TTC39B: variants seen among roughly 807,000 people sequenced by gnomAD.
TTC39B encodes the protein tetratricopeptide repeat domain 39B.
TTC39B carries 92 observed loss-of-function variants against 96.6 expected under a neutral mutation model. The observed-to-expected ratio is 0.95, with a 90% CI of 0.80 to 1.13. The LOEUF (loss-of-function observed/expected upper bound fraction) is 1.13, where lower values mean the gene tolerates loss of function less well. Among genes scored for constraint, TTC39B ranks in the 50% most tolerant of loss-of-function variants. The probability of loss-of-function intolerance (pLI) is 0.00; values close to 1 mark genes in which losing one functional copy is unlikely to be tolerated. For missense variants in TTC39B, 955 were observed against 809.3 expected, an observed-to-expected ratio of 1.18 and a Z score of -2.18; for synonymous variants, 367 against 299.4, an observed-to-expected ratio of 1.23 and a Z score of -2.33.
chr9:15,197,321 C>A (rs1243798386), intron 8 of TTC39B, among the ~76,000 whole-genome samples: 5 of 152,148 alleles, frequency 3.3e-5, no homozygotes, highest in African/African-American at 9.7e-5. Flanking sequence ...TTCGTTTATA[C>A]CTTCTAAAAA....
At chr9:15,241,742 CTT>C (rs5896669) in intron 2 of TTC39B, among the ~76,000 whole-genome samples, 14 of 129,122 alleles carry the variant, frequency 1.1e-4, no homozygotes, top group Non-Finnish European at 1.1e-4. Flanking sequence ...TTAATTAACT[CTT>C]TTTTTTTTTT....
At chr9:15,214,778 T>C (rs1820417145) in intron 3 of TTC39B, among the ~76,000 whole-genome samples, 1 of 152,110 alleles carries the variant, frequency 6.6e-6, no homozygotes, top group East Asian at 1.9e-4. Context: ...ATCCTTAACA[T>C]GTTCATTTTT....
chr9:15,225,270 T>G (rs955286692), intron 3 of TTC39B, among the ~76,000 whole-genome samples: 1 of 152,128 alleles, frequency 6.6e-6, no homozygotes, highest in African/African-American at 2.4e-5. Flanking sequence ...AGAAAAAAAT[T>G]TAATATCTCT....
chr9:15,248,813 G>C (rs541624541), intron 2 of TTC39B, among the ~76,000 whole-genome samples: 1 of 152,124 alleles, frequency 6.6e-6, no homozygotes, highest in East Asian at 1.9e-4. Flanking sequence ...TTAAATCCTT[G>C]ATTTATTTTA....
chr9:15,258,877 C>T (rs1487770666), intron 2 of TTC39B, among the ~76,000 whole-genome samples: 1 of 152,140 alleles, frequency 6.6e-6, no homozygotes, highest in Non-Finnish European at 1.5e-5. Flanking sequence ...GAAATCTTGT[C>T]ACTCCTCATA....
Position 15,177,696 on chromosome 9 carries a change from C to A in TTC39B, c.1841+1G>T, listed in dbSNP as rs753712729. ...GGGCTGGTTTTATTGTTTGGTCTTA[C>A]CTTTCCACAACATGATTGTAACATA... is the stretch of plus-strand genomic sequence containing the variant. On this transcript the variant is annotated splice_donor_variant, in intron 18 of 19. Transcript: ENST00000512701. LOFTEE classifies it high-confidence loss of function. 1 of 1,604,226 alleles carries A rather than the reference C, an allele frequency of 6.2e-7. No individual in the cohort carries two copies. The highest frequency in any genetic ancestry group is 2.2e-5 in the East Asian group (1 of 44,756).
chr9:15,302,927 T>C (rs902890925), intron 1 of TTC39B, among the ~76,000 whole-genome samples: 1 of 152,068 alleles, frequency 6.6e-6, no homozygotes, highest in African/African-American at 2.4e-5. Context: ...CCCAGCACTT[T>C]GGGAGGCTGA....
intron 1 of TTC39B, among the ~76,000 whole-genome samples, chr9:15,296,999 GAAAAGAAAAGAA>G (rs71323933): frequency 0.16 from 24,073 of 151,898 alleles, 3,446 homozygotes; most frequent in African/African-American, 0.39. Context: ...TAAGAAAAAA[GAAAAGAAAAGAA>G]AAAAGAAAAG....
chr9:15,172,141 A>C (rs1817695036), intron 19 of TTC39B, 32 bp from the exon 20 acceptor site: 11 of 1,547,842 alleles, frequency 7.1e-6, no homozygotes, highest in Non-Finnish European at 8.9e-6. Context: ...TTGTACAGTC[A>C]AAATTTCCTT....
Position 15,172,131 on chromosome 9 carries a change from T to C in TTC39B, c.1959-22A>G, listed in dbSNP as rs372754350. On this transcript the variant is annotated intron_variant, in intron 19 of 19. Transcript: ENST00000512701. Reference sequence around the variant, plus strand: ...GTTCCTGAAGACAATAACAATAAAATTGTACAGTCAAAATTTCCTTATATA... The same window carrying C: ...GTTCCTGAAGACAATAACAATAAAACTGTACAGTCAAAATTTCCTTATATA... 5 of 1,586,466 alleles carry C rather than the reference T, an allele frequency of 3.2e-6. No homozygotes were observed. In the African/African-American group the frequency reaches 4.0e-5, roughly 13 times the overall value.
rs1564299794 is a variant in TTC39B at position 15,167,007 on chromosome 9, TATATATATATATATATATATA to T, written c.*4991_*5011del. The stretch of plus-strand genomic sequence containing the variant: ...TTATATATATATATATATATATATA[TATATATATATATATATATATA>T]TTTTTTTTTTTTTTTTTTTTTTTTT... On this transcript the variant is annotated 3_prime_UTR_variant, in exon 20 of 20. Coordinates refer to ENST00000512701, the Ensembl canonical transcript of TTC39B. The T allele has an allele frequency of 4.6e-3, 34 of 7,376 alleles. 2 individuals carry two copies. Among genetic ancestry groups the T allele is most frequent in the South Asian group, 9.1e-3 (2 of 220 alleles). The allele number at this position is 7,376 out of a possible 1,614,324, so 0.5% of individuals were successfully genotyped here.
chr9:15,233,715 C>T (rs1187520159), intron 2 of TTC39B, among the ~76,000 whole-genome samples: 7 of 152,208 alleles, frequency 4.6e-5, no homozygotes, highest in African/African-American at 9.6e-5. Flanking sequence ...ACAACATCCA[C>T]CTCCCAGCCG....
intron 8 of TTC39B, among the ~76,000 whole-genome samples, 200 bp from the exon 9 acceptor site, chr9:15,192,895 T>C (rs150624038): frequency 0.013 from 2,013 of 152,300 alleles, 15 homozygotes; most frequent in Non-Finnish European, 0.023. Flanking sequence ...ATGCTCATTT[T>C]TACAGTGTCT....
At chr9:15,251,025 A>G (rs1257935254) in intron 2 of TTC39B, among the ~76,000 whole-genome samples, 6 of 151,938 alleles carry the variant, frequency 3.9e-5, no homozygotes, top group South Asian at 4.2e-4. Context: ...CTGAAACCCC[A>G]TCTCTACTAA....
At chr9:15,234,202 A>ACCCC (rs1280982029) in intron 2 of TTC39B, among the ~76,000 whole-genome samples, 1 of 142,142 alleles carries the variant, frequency 7.0e-6, no homozygotes, top group Non-Finnish European at 1.5e-5. Flanking sequence ...TCCGGCAGCC[A>ACCCC]CCCCGTCTGG....
At chr9:15,236,177 T>C (rs532459923) in intron 2 of TTC39B, among the ~76,000 whole-genome samples, 1 of 152,242 alleles carries the variant, frequency 6.6e-6, no homozygotes, top group South Asian at 2.1e-4. Flanking sequence ...TATTCTCATA[T>C]CAAGTAAAAC....
intron 18 of TTC39B, among the ~76,000 whole-genome samples, chr9:15,176,865 G>C (rs551335766): frequency 6.6e-6 from 1 of 152,278 alleles, no homozygotes; most frequent in South Asian, 2.1e-4. Context: ...GTGATACAGA[G>C]AAAAGGGCCA....
chr9:15,188,725 GA>G (rs35821270), intron 13 of TTC39B, among the ~76,000 whole-genome samples: 1,779 of 125,726 alleles, frequency 0.014, 18 homozygotes, highest in Non-Finnish European at 0.024. Context: ...AAGAGCATTG[GA>G]AAAAAATATT....
chr9:15,259,445 C>T (rs1027048166), intron 2 of TTC39B, among the ~76,000 whole-genome samples: 1 of 152,204 alleles, frequency 6.6e-6, no homozygotes, highest in African/African-American at 2.4e-5. Context: ...CTTACCAATT[C>T]CACTTCTGTG....
Sources: gnomAD v4.1 joint callset for allele counts (sites outside exome capture counted in the v4.1 genomes callset) on GRCh38, gnomAD v4.1.1 for gene constraint, MANE v1.5 for transcripts, NCBI Gene and HGNC (gene_info 2026-07-23, HGNC 2026-07-21) for gene names.